Variants in CRYZL1 observed in about 807,000 individuals in gnomAD.
The protein encoded by CRYZL1 is crystallin zeta like 1, also known as ferry endosomal RAB5 effector complex subunit 4.
A neutral mutation model predicts 50.6 loss-of-function variants in CRYZL1; 34 were observed. The ratio of observed to expected loss-of-function variants is 0.67; its 90% CI spans 0.51 to 0.89. The LOEUF (loss-of-function observed/expected upper bound fraction) is 0.89. Ranked by LOEUF, CRYZL1 falls within the 40% of genes least tolerant of loss-of-function variation. The pLI, the probability that CRYZL1 is intolerant of heterozygous loss-of-function variation, is 0.00. For synonymous variants in CRYZL1, 125 were observed against 134.3 expected, an observed-to-expected ratio of 0.93 and a Z score of 0.48; for missense variants, 354 against 402.3, an observed-to-expected ratio of 0.88 and a Z score of 1.03.
intron 6 of CRYZL1, 80 bp downstream of exon 6, chr21:33,613,457 CA>C: frequency 1.5e-5 from 15 of 977,880 alleles, no homozygotes; most frequent in South Asian, 4.3e-5. Flanking sequence ...ATGGTAGATT[CA>C]AAAAAATTAA....
At chr21:33,616,079 C>G (rs868814547) in intron 5 of CRYZL1, among the ~76,000 whole-genome samples, 7 of 152,042 alleles carry the variant, frequency 4.6e-5, no homozygotes, top group Non-Finnish European at 1.0e-4. Flanking sequence ...TATCCCTCCC[C>G]CCCCCAACCC....
At chr21:33,621,030 C>T (rs1247693541) in intron 4 of CRYZL1, among the ~76,000 whole-genome samples, 4 of 145,620 alleles carry the variant, frequency 2.7e-5, no homozygotes, top group Admixed American at 1.4e-4. Context: ...CTCAGCCTCC[C>T]GAGTAGCTGG....
chr21:33,640,014 C>G, intron 1 of CRYZL1: 1 of 665,720 alleles, frequency 1.5e-6, no homozygotes, highest in Non-Finnish European at 2.3e-6. Context: ...TTAGTAGACA[C>G]GGGGTTTCAC....
rs1371262155 is a variant in CRYZL1 at position 33,634,879 on chromosome 21, CAATA to C, written c.-6-3326_-6-3323del. On this transcript the variant is annotated intron_variant, in intron 1 of 12. Transcript: ENST00000381554. The stretch of plus-strand genomic sequence containing the variant: ...TATCCCTTAAAACAAACAACAACAA[CAATA>C]TATATATATATATATATATATAAAA... Among the ~76,000 whole-genome samples, 545 of 63,958 alleles carry C rather than the reference CAATA, an allele frequency of 8.5e-3. 3 individuals carry two copies. Among genetic ancestry groups the C allele is most frequent in the African/African-American group, 0.044 (501 of 11,382 alleles). The allele number at this position is 63,958 out of a possible 152,430, so 42.0% of individuals were successfully genotyped here.
intron 10 of CRYZL1, among the ~76,000 whole-genome samples, chr21:33,596,552 C>T (rs1438026087): frequency 1.3e-5 from 2 of 151,878 alleles, no homozygotes; most frequent in African/African-American, 2.4e-5. Flanking sequence ...GCAGGAGAAT[C>T]GCTTGAACCT....
chr21:33,629,228 A>AAACAACAAC (rs574242137), intron 2 of CRYZL1, among the ~76,000 whole-genome samples: 1 of 151,914 alleles, frequency 6.6e-6, no homozygotes, highest in Non-Finnish European at 1.5e-5. Context: ...CTGTCTCAAA[A>AAACAACAAC]AACAACAACA....
intron 7 of CRYZL1, among the ~76,000 whole-genome samples, chr21:33,602,785 A>G (rs2086770308): frequency 6.6e-6 from 1 of 152,252 alleles, no homozygotes; most frequent in South Asian, 2.1e-4. Context: ...GGGAAACACT[A>G]CTATCCTGAT....
intron 6 of CRYZL1, among the ~76,000 whole-genome samples, chr21:33,607,627 G>T (rs1394047815): frequency 6.6e-6 from 1 of 152,008 alleles, no homozygotes; most frequent in African/African-American, 2.4e-5. Context: ...GTAAGACCCT[G>T]TCTCAAAAAT....
chr21:33,613,975 A>G (rs1353474046), intron 5 of CRYZL1, among the ~76,000 whole-genome samples: 1 of 152,030 alleles, frequency 6.6e-6, no homozygotes, highest in East Asian at 1.9e-4. Context: ...GTTTGAGACC[A>G]GCCTGGCCAA....
intron 3 of CRYZL1, among the ~76,000 whole-genome samples, chr21:33,623,510 A>G (rs1359568881): frequency 6.6e-6 from 1 of 152,180 alleles, no homozygotes; most frequent in Non-Finnish European, 1.5e-5. Flanking sequence ...TAATAAAAAC[A>G]TCTGAAAACA....
chr21:33,594,199 G>A (rs1432086056), intron 11 of CRYZL1, among the ~76,000 whole-genome samples: 1 of 147,970 alleles, frequency 6.8e-6, no homozygotes, highest in Non-Finnish European at 1.5e-5. Flanking sequence ...CTGTAGCTAA[G>A]CTGGAGTGCA....
intron 6 of CRYZL1, among the ~76,000 whole-genome samples, chr21:33,607,083 C>T (rs981731507): frequency 6.6e-6 from 1 of 152,086 alleles, no homozygotes; most frequent in Non-Finnish European, 1.5e-5. Context: ...TGATCTCTTT[C>T]TAGTTTAGCT....
At position 33,591,342 on chromosome 21, in the gene CRYZL1, G is replaced by A; in HGVS notation, c.905-135C>T. 3 of 709,074 alleles carry A rather than the reference G, an allele frequency of 4.2e-6. No individual in the cohort carries two copies. The South Asian group carries it at 4.8e-5, about 11-fold the overall frequency. 43.9% of individuals were successfully genotyped at this position (709,074 alleles called of 1,614,324 possible). A position where few individuals can be genotyped will look rare whatever the true frequency, so the allele number is the denominator to read the frequency against. ...CTCAGAGACTCAACATGTTAAGTTA[G>A]AGAAATTCTGTAGGACGTCAAGTTT... On this transcript the variant is annotated intron_variant, in intron 11 of 12. Coordinates refer to ENST00000381554, the MANE Select transcript of CRYZL1 (RefSeq NM_145858.3).
At chr21:33,620,820 C>CA (rs2086988321) in intron 4 of CRYZL1, among the ~76,000 whole-genome samples, 2 of 149,080 alleles carry the variant, frequency 1.3e-5, no homozygotes, top group Admixed American at 6.7e-5. Flanking sequence ...AAAACAAAAA[C>CA]AAAACAAAAC....
chr21:33,595,735 A>G lies in CRYZL1; in HGVS notation c.900T>C (p.Tyr300=), dbSNP rs1195939739. 1 of 1,613,048 alleles carries G rather than the reference A, an allele frequency of 6.2e-7. No individual in the cohort carries two copies. The highest frequency in any genetic ancestry group is 1.3e-5 in the African/African-American group (1 of 74,914). ...ATCAGTCGATAAAAAGGATATAAAG[A>G]TATTTTCCCTGTTGTACATTTGACA... ...WNLSNVQQGK[Y]LCILKDVMEK... is the part of the protein sequence containing the mutation. Residue 300 remains tyrosine, a synonymous_variant, in exon 11 of 13, where the codon TAT becomes TAC. Coordinates refer to ENST00000381554, the MANE Select transcript of CRYZL1 (RefSeq NM_145858.3).
chr21:33,635,147 T>C (rs898164617), intron 1 of CRYZL1, among the ~76,000 whole-genome samples: 1 of 151,874 alleles, frequency 6.6e-6, no homozygotes, highest in South Asian at 2.1e-4. Flanking sequence ...TTCCTAGTAC[T>C]AGGAAAATGG....
At chr21:33,640,894 TA>T (rs1204906250) in intron 1 of CRYZL1, among the ~76,000 whole-genome samples, 2 of 152,372 alleles carry the variant, frequency 1.3e-5, no homozygotes, top group Middle Eastern at 3.4e-3. Flanking sequence ...GAAAAGAACG[TA>T]AAATCTCAAT....
chr21:33,640,242 G>GC (rs1450511462), intron 1 of CRYZL1: 1 of 1,542,716 alleles, frequency 6.5e-7, no homozygotes, highest in African/African-American at 1.4e-5. Context: ...AAGGCTGGCA[G>GC]CTTTATCTTG....
At chr21:33,594,411 C>T (rs1011684036) in intron 11 of CRYZL1, 2 of 151,844 alleles carry the variant, frequency 1.3e-5, no homozygotes, top group Non-Finnish European at 2.9e-5. Flanking sequence ...TCCCCCACCT[C>T]GGCCTCCCAA....
Sources: allele counts gnomAD v4.1 joint callset (sites outside exome capture counted in the v4.1 genomes callset), GRCh38; gene constraint gnomAD v4.1.1; transcripts MANE v1.5; gene names NCBI Gene and HGNC (gene_info 2026-07-23, HGNC 2026-07-21).